The following CALD1 variants were observed in gnomAD, a reference collection of about 807,000 sequenced individuals.
CALD1 encodes caldesmon 1, also known as caldesmon.
In CALD1, 33 loss-of-function variants were observed where a neutral mutation model predicts 99.9. The ratio of observed to expected loss-of-function variants is 0.33; its 90% CI spans 0.25 to 0.44. CALD1 has a LOEUF of 0.44. CALD1 is among the 20% of genes least tolerant of loss of function. The probability of loss-of-function intolerance (pLI) is 1.00; values close to 1 mark genes in which losing one functional copy is unlikely to be tolerated. For missense variants in CALD1, 861 were observed against 962.1 expected, an observed-to-expected ratio of 0.89 and a Z score of 1.39; for synonymous variants, 310 against 325.0, an observed-to-expected ratio of 0.95 and a Z score of 0.50.
intron 2 of CALD1, among the ~76,000 whole-genome samples, chr7:134,847,821 T>C (rs1799915637): frequency 6.6e-6 from 1 of 152,216 alleles, no homozygotes; most frequent in Non-Finnish European, 1.5e-5. Context: ...CCAGGAGCTC[T>C]TGTCTAGAAC....
upstream of CALD1, among the ~76,000 whole-genome samples, chr7:134,776,159 CAT>C (rs546057136): frequency 1.0e-3 from 154 of 152,168 alleles, no homozygotes; most frequent in African/African-American, 3.6e-3. Context: ...GTATCTAGCA[CAT>C]TTTTTTAGTT....
At chr7:134,910,320 T>C (rs1409043527) in intron 3 of CALD1, among the ~76,000 whole-genome samples, 1 of 152,194 alleles carries the variant, frequency 6.6e-6, no homozygotes, top group Non-Finnish European at 1.5e-5. Context: ...GGGCTATTAA[T>C]GACTTATCCA....
chr7:134,819,111 C>T (rs184254143), intron 1 of CALD1, among the ~76,000 whole-genome samples: 108 of 152,238 alleles, frequency 7.1e-4, no homozygotes, highest in African/African-American at 2.4e-3. Context: ...GGGAGCCTGA[C>T]TAGATGAAGT....
intron 14 of CALD1, among the ~76,000 whole-genome samples, chr7:134,967,305 G>A (rs1808748228): frequency 7.7e-6 from 1 of 129,884 alleles, no homozygotes; most frequent in African/African-American, 2.6e-5. Flanking sequence ...ACCAGACCGA[G>A]AACTGAGTTT....
At chr7:134,741,098 C>A (rs957711563), upstream of CALD1, among the ~76,000 whole-genome samples, 1 of 152,054 alleles carries the variant, frequency 6.6e-6, no homozygotes, top group East Asian at 1.9e-4. Flanking sequence ...TGCTATCTGC[C>A]CATTTGAGCT....
intron 1 of CALD1, among the ~76,000 whole-genome samples, chr7:134,782,029 A>G (rs1797124759): frequency 6.6e-6 from 1 of 152,232 alleles, no homozygotes; most frequent in South Asian, 2.1e-4. Flanking sequence ...AAGGTCCAGA[A>G]TCTAGCCCAG....
chr7:134,968,023 G>A (rs943674042), intron 14 of CALD1, among the ~76,000 whole-genome samples: 2 of 151,964 alleles, frequency 1.3e-5, no homozygotes, highest in Non-Finnish European at 2.9e-5. Context: ...GTGTATGCCC[G>A]TAATCCCCAG....
chr7:134,719,479 A>G, the CALD1 span, among the ~76,000 whole-genome samples: 116 of 152,248 alleles, frequency 7.6e-4, 3 homozygotes, highest in East Asian at 0.02. Flanking sequence ...CAAACAGCCA[A>G]TCTAAATAAA....
At chr7:134,962,747 T>A in intron 13 of CALD1, 1 of 449,454 alleles carries the variant, frequency 2.2e-6, no homozygotes, top group Non-Finnish European at 4.5e-6. Flanking sequence ...TAAACTAATG[T>A]TACACAGAAA....
chr7:134,834,237 C>G (rs1381205137), intron 1 of CALD1, among the ~76,000 whole-genome samples: 4 of 152,172 alleles, frequency 2.6e-5, no homozygotes, highest in African/African-American at 9.7e-5. Flanking sequence ...GCTTGTTACA[C>G]TTTCTCTGCT....
chr7:134,788,118 T>C (rs930777426), intron 1 of CALD1, among the ~76,000 whole-genome samples: 2 of 152,182 alleles, frequency 1.3e-5, no homozygotes, highest in African/African-American at 4.8e-5. Context: ...ACACAGCCAT[T>C]ATAAAAACTA....
upstream of CALD1, among the ~76,000 whole-genome samples, chr7:134,776,070 T>G (rs552306555): frequency 6.6e-6 from 1 of 152,322 alleles, no homozygotes; most frequent in Non-Finnish European, 1.5e-5. Flanking sequence ...TCTACACAGA[T>G]AATTGTATAG....
chr7:134,941,757 G>A (rs1806461562), intron 7 of CALD1, among the ~76,000 whole-genome samples: 1 of 152,080 alleles, frequency 6.6e-6, no homozygotes, highest in Non-Finnish European at 1.5e-5. Flanking sequence ...ATGACTTTGA[G>A]AGCCCTTCAT....
At chr7:134,853,501 T>C (rs1248436887) in intron 2 of CALD1, among the ~76,000 whole-genome samples, 1 of 152,128 alleles carries the variant, frequency 6.6e-6, no homozygotes, top group Non-Finnish European at 1.5e-5. Flanking sequence ...ATCGTTCCTG[T>C]AGTTCTCTCT....
chr7:134,738,105 T>C, the CALD1 span, among the ~76,000 whole-genome samples: 346 of 152,300 alleles, frequency 2.3e-3, 1 homozygote, highest in African/African-American at 7.5e-3. Context: ...GTTGGCTTTA[T>C]GAGGAAGTCT....
chr7:134,913,756 C>T (rs1451124646), intron 3 of CALD1, among the ~76,000 whole-genome samples: 1 of 152,174 alleles, frequency 6.6e-6, no homozygotes, highest in Non-Finnish European at 1.5e-5. Flanking sequence ...AATAATTGAG[C>T]TCTGGCACTG....
intron 1 of CALD1, among the ~76,000 whole-genome samples, chr7:134,756,601 A>C (rs1176488064): frequency 1.3e-5 from 2 of 152,144 alleles, no homozygotes; most frequent in African/African-American, 4.8e-5. Flanking sequence ...CAGGAGGCTC[A>C]GTCTAAATAA....
At chr7:134,737,640 G>A in the CALD1 span, among the ~76,000 whole-genome samples, 20 of 152,124 alleles carry the variant, frequency 1.3e-4, 1 homozygote, top group Non-Finnish European at 2.2e-4. Flanking sequence ...GGAGGCAGGA[G>A]GTAGTGCTCG....
intron 3 of CALD1, chr7:134,920,824 CA>C (rs1447497640): frequency 1.5e-5 from 8 of 532,348 alleles, no homozygotes; most frequent in Non-Finnish European, 2.5e-5. Flanking sequence ...AGTTCTTTTT[CA>C]AAATATAGGA....
Sources: allele counts gnomAD v4.1 joint callset (sites outside exome capture counted in the v4.1 genomes callset), GRCh38; gene constraint gnomAD v4.1.1; transcripts MANE v1.5; gene names NCBI Gene and HGNC (gene_info 2026-07-23, HGNC 2026-07-21).